NHS: variants seen among roughly 807,000 people sequenced by gnomAD.
NHS encodes NHS actin remodeling regulator.
Under a neutral mutation model 72.5 loss-of-function variants are expected in NHS, and 5 were observed. The ratio of observed to expected loss-of-function variants is 0.07; its 90% CI spans 0.04 to 0.14. The LOEUF (loss-of-function observed/expected upper bound fraction) is 0.14, where lower values mean the gene tolerates loss of function less well. Among genes scored for constraint, NHS ranks in the 10% least tolerant of loss-of-function variants. NHS has a pLI of 1.00. For synonymous variants in NHS, 464 were observed against 547.7 expected (o/e 0.85, Z 2.13); for missense variants, 1,072 against 1,355.7 (o/e 0.79, Z 3.29).
At chrX:17,389,153 A>C (rs2064426854) in intron 1 of NHS, among the ~76,000 whole-genome samples, 1 of 112,272 alleles carries the variant, frequency 8.9e-6, no homozygotes, top group Non-Finnish European at 1.9e-5. Context: ...TATAATTTAC[A>C]TGCAGTGAAA....
At chrX:17,650,183 G>T (rs1027325479) in intron 1 of NHS, among the ~76,000 whole-genome samples, 4 of 112,668 alleles carry the variant, frequency 3.6e-5, no homozygotes, top group African/African-American at 1.3e-4. Flanking sequence ...GGGACCAAAA[G>T]GTTATCCAGC....
intron 1 of NHS, among the ~76,000 whole-genome samples, chrX:17,442,218 A>G (rs1299811226): frequency 2.7e-5 from 3 of 112,567 alleles, no homozygotes; most frequent in Non-Finnish European, 5.6e-5. Context: ...TAGCACAGTA[A>G]TATTTGATCT....
At chrX:17,654,826 G>A (rs888376994) in intron 1 of NHS, among the ~76,000 whole-genome samples, 2 of 112,782 alleles carry the variant, frequency 1.8e-5, no homozygotes, top group Non-Finnish European at 3.7e-5. Context: ...TATCCCATAA[G>A]TGTTGTCTTT....
chrX:17,410,958 A>G (rs2064554869), intron 1 of NHS, among the ~76,000 whole-genome samples: 2 of 111,616 alleles, frequency 1.8e-5, no homozygotes, highest in Admixed American at 9.6e-5. Context: ...GTGGGTGGAG[A>G]TACGTCCAAC....
At chrX:17,432,763 C>T (rs190548675) in intron 1 of NHS, among the ~76,000 whole-genome samples, 2 of 110,153 alleles carry the variant, frequency 1.8e-5, no homozygotes, top group East Asian at 2.8e-4. Flanking sequence ...TTTAATTAAC[C>T]GAACACAAAC....
At chrX:17,457,174 T>TTA (rs1225937691) in intron 1 of NHS, among the ~76,000 whole-genome samples, 7 of 112,360 alleles carry the variant, frequency 6.2e-5, no homozygotes, top group Non-Finnish European at 1.1e-4. Context: ...AGTTATCCTA[T>TTA]TATTTCCATT....
chrX:17,557,733 T>C (rs1262492639), intron 1 of NHS, among the ~76,000 whole-genome samples: 1 of 111,445 alleles, frequency 9.0e-6, no homozygotes, highest in Non-Finnish European at 1.9e-5. Context: ...GCTTGCAAGC[T>C]TGCTCATATA....
chrX:17,700,773 A>G (rs1322487150), intron 3 of NHS, among the ~76,000 whole-genome samples: 1 of 112,101 alleles, frequency 8.9e-6, no homozygotes, highest in Admixed American at 9.4e-5. Flanking sequence ...ACCTATACAT[A>G]GAAGAGTGAT....
At chrX:17,505,195 T>C (rs887280292) in intron 1 of NHS, among the ~76,000 whole-genome samples, 2 of 112,057 alleles carry the variant, frequency 1.8e-5, no homozygotes, top group African/African-American at 6.5e-5. Context: ...CTTTATAATA[T>C]ATTGAACCAG....
intron 3 of NHS, 85 bp from the exon 4 acceptor site, chrX:17,719,259 A>T: frequency 1.3e-6 from 1 of 759,335 alleles, no homozygotes; most frequent in Non-Finnish European, 2.0e-6. Context: ...TTATTTTATT[A>T]ATATCATAGA....
intron 1 of NHS, among the ~76,000 whole-genome samples, chrX:17,399,629 C>T (rs1601688848): frequency 1.8e-5 from 2 of 111,553 alleles, no homozygotes; most frequent in African/African-American, 3.3e-5. Flanking sequence ...GTGACTCTTA[C>T]GTATCATGCA....
At chrX:17,532,504 C>G in intron 1 of NHS, among the ~76,000 whole-genome samples, 1 of 111,738 alleles carries the variant, frequency 8.9e-6, no homozygotes, top group Non-Finnish European at 1.9e-5. Context: ...AGTTTCGTAT[C>G]AACCTCAGTG....
intron 1 of NHS, among the ~76,000 whole-genome samples, chrX:17,659,464 T>C (rs2065972512): frequency 8.9e-6 from 1 of 112,172 alleles, no homozygotes; most frequent in Admixed American, 9.4e-5. Flanking sequence ...ATTATCATTT[T>C]CCTCAATTTA....
At chrX:17,698,228 A>G (rs1231720054) in intron 3 of NHS, among the ~76,000 whole-genome samples, 1 of 112,037 alleles carries the variant, frequency 8.9e-6, no homozygotes, top group Non-Finnish European at 1.9e-5. Flanking sequence ...CAAGAAAAAG[A>G]GAGAGAAAAC....
chrX:17,458,655 G>A (rs2064834810), intron 1 of NHS, among the ~76,000 whole-genome samples: 1 of 110,732 alleles, frequency 9.0e-6, no homozygotes, highest in African/African-American at 3.3e-5. Context: ...ACCATGCCCA[G>A]CTTATTTTTA....
At chrX:17,478,985 A>G (rs758139577) in intron 1 of NHS, among the ~76,000 whole-genome samples, 10 of 111,637 alleles carry the variant, frequency 9.0e-5, no homozygotes, top group Non-Finnish European at 1.9e-4. Context: ...TACACATGCC[A>G]TGGTGGTTTG....
chrX:17,704,296 TAAAAA>T (rs1193344167), intron 3 of NHS, among the ~76,000 whole-genome samples: 2 of 107,864 alleles, frequency 1.9e-5, no homozygotes, highest in African/African-American at 6.7e-5. Context: ...ATTTAAAAAT[TAAAAA>T]AAAATTTTTT....
intron 1 of NHS, among the ~76,000 whole-genome samples, chrX:17,526,826 C>T (rs959279008): frequency 8.9e-6 from 1 of 112,056 alleles, no homozygotes; most frequent in Non-Finnish European, 1.9e-5. Context: ...GCTTTGAACT[C>T]GCATGTAGTA....
intron 1 of NHS, among the ~76,000 whole-genome samples, chrX:17,672,686 C>T (rs905756383): frequency 1.8e-5 from 2 of 112,323 alleles, no homozygotes; most frequent in Non-Finnish European, 3.8e-5. Flanking sequence ...TCCTCAATGC[C>T]GCACCTCCCA....
Sources: allele counts gnomAD v4.1 joint callset (sites outside exome capture counted in the v4.1 genomes callset), GRCh38; gene constraint gnomAD v4.1.1; transcripts MANE v1.5; gene names NCBI Gene and HGNC (gene_info 2026-07-23, HGNC 2026-07-21).